C5orf24: variants seen among roughly 807,000 people sequenced by gnomAD.
C5orf24 encodes chromosome 5 open reading frame 24, also known as UPF0461 protein C5orf24.
A neutral mutation model predicts 9.8 loss-of-function variants in C5orf24; 4 were observed. The observed-to-expected ratio is 0.41, with a 90% confidence interval of 0.20 to 0.93. The LOEUF (loss-of-function observed/expected upper bound fraction) is 0.93, where lower values mean the gene tolerates loss of function less well. Ranked by LOEUF, C5orf24 falls within the 40% of genes least tolerant of loss-of-function variation. C5orf24 has a pLI of 0.33. For missense variants in C5orf24, 170 were observed against 236.9 expected (o/e 0.72, Z 1.85); for synonymous variants, 73 against 81.3 (o/e 0.90, Z 0.55).
At chr5:134,840,713 G>C (rs1359192888), upstream of C5orf24, among the ~76,000 whole-genome samples, 1 of 149,688 alleles carries the variant, frequency 6.7e-6, no homozygotes, top group African/African-American at 2.5e-5. Flanking sequence ...TTTTTTTTCT[G>C]GTATTGGCAG....
chr5:134,845,219 G>C (rs999922448), upstream of C5orf24, among the ~76,000 whole-genome samples: 1 of 152,182 alleles, frequency 6.6e-6, no homozygotes, highest in Non-Finnish European at 1.5e-5. Flanking sequence ...ACCTGGCTCA[G>C]GGCTGTGCTT....
chr5:134,844,003 C>G (rs1410167241), upstream of C5orf24, among the ~76,000 whole-genome samples: 1 of 152,234 alleles, frequency 6.6e-6, no homozygotes, highest in East Asian at 1.9e-4. Context: ...GAAAGGCATT[C>G]AAACTCAGGG....
At chr5:134,847,384 C>T (rs1756025153) in intron 1 of C5orf24, among the ~76,000 whole-genome samples, 1 of 152,184 alleles carries the variant, frequency 6.6e-6, no homozygotes, top group South Asian at 2.1e-4. Context: ...CAACCTCTGC[C>T]TCCCGGGTTC....
chr5:134,857,442 TTGCATTGTA>T lies in C5orf24; in HGVS notation c.*1978_*1986del. On this transcript the variant is annotated 3_prime_UTR_variant, in exon 2 of 2. Transcript: ENST00000394976. ...ATGCTGCTCTTTACAGTAAGAGGTG[TTGCATTGTA>T]TGTGGGGACTATGTGCACTGGCGTC... The T allele has an allele frequency of 6.5e-7, 1 of 1,536,176 alleles. No individual in the cohort carries two copies. Among genetic ancestry groups the T allele is most frequent in the Non-Finnish European group, 8.8e-7 (1 of 1,138,168 alleles).
chr5:134,850,366 C>T (rs1254641624), intron 1 of C5orf24, among the ~76,000 whole-genome samples: 2 of 151,978 alleles, frequency 1.3e-5, no homozygotes, highest in Non-Finnish European at 2.9e-5. Flanking sequence ...AGGCTGGTCT[C>T]AAACTCCCGA....
rs899700442 is a variant in C5orf24, at chr5:134,856,005, AT to A, written c.*543del. The A allele has an allele frequency of 5.1e-5, 51 of 1,002,374 alleles. No homozygotes were observed. Among genetic ancestry groups the A allele is most frequent in the Admixed American group, 3.1e-4 (5 of 16,320 alleles). The allele number at this position is 1,002,374 out of a possible 1,614,324, so 62.1% of individuals were successfully genotyped here. A position where few individuals can be genotyped will look rare whatever the true frequency, so the allele number is the denominator to read the frequency against. On this transcript the variant is annotated 3_prime_UTR_variant, in exon 2 of 2. Transcript: ENST00000394976. ...ATCCACTTCAAATGTTAAAAAACTTATTTTTAATGTTTTAGGTTTAAGCAGC... is the reference window on the plus strand; with the variant it reads ...ATCCACTTCAAATGTTAAAAAACTTATTTTAATGTTTTAGGTTTAAGCAGC...
upstream of C5orf24, among the ~76,000 whole-genome samples, chr5:134,842,523 A>G (rs1580834769): frequency 6.6e-6 from 1 of 151,968 alleles, no homozygotes; most frequent in East Asian, 1.9e-4. Context: ...AAGTCAACAT[A>G]TAGCATAAAT....
chr5:134,849,516 CAT>C (rs778473706), intron 1 of C5orf24, among the ~76,000 whole-genome samples: 8 of 152,182 alleles, frequency 5.3e-5, no homozygotes, highest in East Asian at 1.9e-4. Context: ...GAGTAATTCT[CAT>C]ATTAAATTCC....
the C5orf24 span, among the ~76,000 whole-genome samples, chr5:134,839,671 A>C: frequency 1.3e-5 from 2 of 151,682 alleles, no homozygotes; most frequent in African/African-American, 2.4e-5. Flanking sequence ...GCAAGTGTTA[A>C]ATTTAAGGAG....
chr5:134,833,976 A>G, the C5orf24 span, among the ~76,000 whole-genome samples: 2 of 87,946 alleles, frequency 2.3e-5, no homozygotes, highest in South Asian at 5.1e-4. Context: ...TGCATTAACC[A>G]TGTTCTTTTG....
intron 1 of C5orf24, among the ~76,000 whole-genome samples, chr5:134,854,599 C>A (rs1208790442): frequency 6.6e-6 from 1 of 152,156 alleles, no homozygotes; most frequent in African/African-American, 2.4e-5. Flanking sequence ...CAGAATAGAA[C>A]ATTTGTTTTT....
the C5orf24 span, among the ~76,000 whole-genome samples, chr5:134,840,305 C>CAAAAAAA: frequency 2.1e-4 from 11 of 53,350 alleles, no homozygotes; most frequent in African/African-American, 2.8e-4. Context: ...GACTGCATCT[C>CAAAAAAA]AAAAAAAAAA....
At chr5:134,848,797 C>A (rs1397401978) in intron 1 of C5orf24, among the ~76,000 whole-genome samples, 1 of 143,770 alleles carries the variant, frequency 7.0e-6, no homozygotes, top group Non-Finnish European at 1.5e-5. Flanking sequence ...GTCGTCTCTA[C>A]CGAAAATAAA....
At position 134,857,312 on chromosome 5, in the gene C5orf24, A is replaced by C. The variant is rs1362671990; in HGVS notation, c.*1845A>C. 7 of 1,531,036 alleles carry C rather than the reference A, an allele frequency of 4.6e-6. No homozygotes were observed. The East Asian group carries it at 1.2e-4, about 27-fold the overall frequency. The allele number at this position is 1,531,036 out of a possible 1,614,324, so 94.8% of individuals were successfully genotyped here. The stretch of plus-strand genomic sequence containing the variant: ...TTTTTTGGGCTTGCTATTAATGCAA[A>C]CTCTGATTGCAAATGGATGTCATGT... On this transcript the variant is annotated 3_prime_UTR_variant, in exon 2 of 2. Coordinates refer to ENST00000394976, the MANE Select transcript of C5orf24 (RefSeq NM_001135586.1).
At chr5:134,844,196 CAAAAAAACCTTGCTTAG>C (rs1331531568), upstream of C5orf24, among the ~76,000 whole-genome samples, 3 of 151,846 alleles carry the variant, frequency 2.0e-5, no homozygotes, top group Non-Finnish European at 4.4e-5. Context: ...ACCTCAAGAG[CAAAAAAACCTTGCTTAG>C]AAAAAAAACT....
At position 134,856,066 on chromosome 5, in the gene C5orf24, T is replaced by A. The variant is rs1168653137; in HGVS notation, c.*599T>A. On this transcript the variant is annotated 3_prime_UTR_variant, in exon 2 of 2. Coordinates refer to ENST00000394976, the MANE Select transcript of C5orf24 (RefSeq NM_001135586.1). ...ATTGATCTACATGGCATTAATTGATTTAACCATTATACCTGAAATAATTCT... is the reference window on the plus strand; with the variant it reads ...ATTGATCTACATGGCATTAATTGATATAACCATTATACCTGAAATAATTCT... The A allele has an allele frequency of 2.1e-5, 21 of 1,000,788 alleles. No individual in the cohort carries two copies. Among genetic ancestry groups the A allele is most frequent in the Non-Finnish European group, 2.5e-5 (21 of 830,506 alleles). The allele number at this position is 1,000,788 out of a possible 1,614,324, so 62.0% of individuals were successfully genotyped here.
chr5:134,847,720 T>TG (rs1296198901), intron 1 of C5orf24, among the ~76,000 whole-genome samples: 2 of 150,798 alleles, frequency 1.3e-5, no homozygotes, highest in Non-Finnish European at 3.0e-5. Flanking sequence ...TTTTTTTTTT[T>TG]TCCTGAGATG....
chr5:134,834,527 C>G, the C5orf24 span, among the ~76,000 whole-genome samples: 11 of 152,182 alleles, frequency 7.2e-5, no homozygotes, highest in Non-Finnish European at 1.0e-4. Context: ...GTCTGTGGCA[C>G]AGGATTTGGA....
In C5orf24 at chr5:134,857,139, A is replaced by G. The variant is rs942092924; in HGVS notation, c.*1672A>G. ...TTGAGTTTGTTCTAAATAAAATATT[A>G]TAAACTTCAGACTTGAAAAAATTCC... is the stretch of plus-strand genomic sequence containing the variant. On this transcript the variant is annotated 3_prime_UTR_variant, in exon 2 of 2. Transcript: ENST00000394976. 1.5e-6 allele frequency: 2 copies of G among 1,295,996 alleles called. No individual in the cohort carries two copies. Among genetic ancestry groups the G allele is most frequent in the Non-Finnish European group, 2.0e-6 (2 of 1,009,492 alleles). 80.3% of individuals were successfully genotyped at this position (1,295,996 alleles called of 1,614,324 possible).
Sources: gnomAD v4.1 joint callset for allele counts (sites outside exome capture counted in the v4.1 genomes callset) on GRCh38, gnomAD v4.1.1 for gene constraint, MANE v1.5 for transcripts, NCBI Gene and HGNC (gene_info 2026-07-23, HGNC 2026-07-21) for gene names.